Variants in DDX4 observed in about 807,000 individuals in gnomAD.
DDX4 encodes DEAD-box helicase 4.
Under a neutral mutation model 100.0 loss-of-function variants are expected in DDX4, and 25 were observed. The observed-to-expected ratio is 0.25, with a 90% CI of 0.18 to 0.35. The LOEUF is 0.35. Ranked by LOEUF, DDX4 falls within the 10% of genes least tolerant of loss-of-function variation. The probability of loss-of-function intolerance (pLI) is 1.00; values close to 1 mark genes in which losing one functional copy is unlikely to be tolerated. For synonymous variants in DDX4, 259 were observed against 275.7 expected (o/e 0.94, Z 0.60); for missense variants, 635 against 882.4 (o/e 0.72, Z 3.55).
At chr5:55,780,227 T>TA (rs1422194888) in intron 8 of DDX4, among the ~76,000 whole-genome samples, 162 bp downstream of exon 8, 3 of 152,250 alleles carry the variant, frequency 2.0e-5, no homozygotes, top group African/African-American at 7.2e-5. Flanking sequence ...CATTATTTTT[T>TA]AGAGAGATTT....
intron 7 of DDX4, among the ~76,000 whole-genome samples, chr5:55,778,167 A>C (rs1284870036): frequency 6.6e-6 from 1 of 152,138 alleles, no homozygotes; most frequent in Non-Finnish European, 1.5e-5. Flanking sequence ...AATAAGTCTA[A>C]CCTTCATGAT....
intron 17 of DDX4, 92 bp from the exon 18 acceptor site, chr5:55,798,334 A>G: frequency 7.7e-7 from 1 of 1,305,956 alleles, no homozygotes; most frequent in Non-Finnish European, 1.0e-6. Flanking sequence ...CTGTCTGATT[A>G]ATATTGAGAT....
At chr5:55,765,380 C>T (rs1463025190) in intron 6 of DDX4, among the ~76,000 whole-genome samples, 11 of 92,586 alleles carry the variant, frequency 1.2e-4, no homozygotes, top group African/African-American at 3.1e-4. Flanking sequence ...CTTCTTTTTT[C>T]GTTTTTAGTT....
At chr5:55,807,896 A>G (rs1486450084) in intron 18 of DDX4, among the ~76,000 whole-genome samples, 1 of 152,184 alleles carries the variant, frequency 6.6e-6, no homozygotes, top group South Asian at 2.1e-4. Context: ...TCTCATGGAT[A>G]ATATCCTGCA....
chr5:55,765,491 C>T (rs892964058), intron 6 of DDX4, among the ~76,000 whole-genome samples: 12 of 146,078 alleles, frequency 8.2e-5, no homozygotes, highest in South Asian at 2.1e-4. Flanking sequence ...TCTGAGCTCA[C>T]GGTAGAAGCT....
intron 2 of DDX4, among the ~76,000 whole-genome samples, chr5:55,742,619 C>T (rs79831176): frequency 0.069 from 10,448 of 152,114 alleles, 555 homozygotes; most frequent in African/African-American, 0.15. Flanking sequence ...GTTAAACATT[C>T]GAAATTTCTG....
At chr5:55,741,577 C>T (rs1758982217) in intron 2 of DDX4, among the ~76,000 whole-genome samples, 1 of 152,134 alleles carries the variant, frequency 6.6e-6, no homozygotes, top group South Asian at 2.1e-4. Flanking sequence ...CACTTGAGGC[C>T]AGGAGTTCGA....
At position 55,785,789 on chromosome 5, in the gene DDX4, A is replaced by G. The variant is rs1561502241; in HGVS notation, c.782A>G (p.His261Arg). 5 of 1,611,018 alleles carry G rather than the reference A, an allele frequency of 3.1e-6. No homozygotes were observed. The highest frequency in any genetic ancestry group is 4.2e-6 in the Non-Finnish European group (5 of 1,177,182). Reference protein sequence around the residue: ...PPEDEDSIFAHYQTGINFDKY... With the variant: ...PPEDEDSIFARYQTGINFDKY... ...GAGGATGAGGACTCCATCTTTGCAC[A>G]TTATCAGACAGGCATAAACTTCGAC... Residue 261 changes from histidine to arginine, a missense_variant, in exon 13 of 22, where the codon CAT (histidine) becomes CGT (arginine). His to Arg is a conservative substitution (Grantham distance 29). Around this residue, in one of 4 missense-constraint regions of DDX4, gnomAD observed 446 missense variants for 540.8 expected, o/e 0.82. Transcript: ENST00000505374.
intron 4 of DDX4, among the ~76,000 whole-genome samples, chr5:55,760,657 A>G (rs566572303): frequency 6.6e-6 from 1 of 152,172 alleles, no homozygotes; most frequent in Non-Finnish European, 1.5e-5. Context: ...TATATTTTTC[A>G]AGAAAAGGCA....
chr5:55,767,043 A>T, intron 6 of DDX4: 1 of 1,472,868 alleles, frequency 6.8e-7, no homozygotes, highest in East Asian at 2.6e-5. Context: ...ACTTACTAAT[A>T]TCAAAAATGG....
At chr5:55,746,263 G>A in intron 3 of DDX4, 42 bp downstream of exon 3, 1 of 1,553,378 alleles carries the variant, frequency 6.4e-7, no homozygotes, top group Non-Finnish European at 8.8e-7. Context: ...TTTAGTTTAA[G>A]GGTTTCATCT....
At chr5:55,801,709 C>T (rs1014271602) in intron 18 of DDX4, among the ~76,000 whole-genome samples, 2 of 152,070 alleles carry the variant, frequency 1.3e-5, no homozygotes, top group African/African-American at 4.8e-5. Context: ...AATAAATGGG[C>T]CTCCTTAAGT....
chr5:55,775,787 C>T (rs1741525594), intron 7 of DDX4, among the ~76,000 whole-genome samples: 2 of 152,080 alleles, frequency 1.3e-5, no homozygotes, highest in South Asian at 4.2e-4. Context: ...TTATGAAATG[C>T]AGACTATACC....
At chr5:55,786,015 T>TA (rs1245607964) in intron 13 of DDX4, 144 bp downstream of exon 13, 8 of 555,094 alleles carry the variant, frequency 1.4e-5, no homozygotes, top group Admixed American at 6.7e-5. Context: ...AATGATGTCT[T>TA]ACCATCTATA....
chr5:55,752,329 C>T (rs1759614738), intron 3 of DDX4, among the ~76,000 whole-genome samples: 1 of 115,840 alleles, frequency 8.6e-6, no homozygotes, highest in Non-Finnish European at 1.7e-5. Flanking sequence ...GCTATCCCTC[C>T]CCCCTCCCCC....
rs775222979 is a variant in DDX4 at position 55,815,331 on chromosome 5, G to A, written c.2005G>A (p.Ala669Thr). The change falls in exon 21 of 22, where the codon GCA becomes ACA. Residue 669 changes from alanine (A) to threonine (T), a missense_variant. Physicochemically the swap from Ala to Thr is moderately conservative, Grantham distance 58. Coordinates refer to ENST00000505374, the MANE Select transcript of DDX4 (RefSeq NM_024415.3). ...VLTDAQQDVP[A>T]WLEEIAFSTY... ...TTTAAAGGCTCAACAGGATGTTCCT[G>A]CATGGTTGGAAGAAATTGCCTTTAG... The A allele has an allele frequency of 6.2e-7, 1 of 1,612,376 alleles. No homozygotes were observed. The highest frequency in any genetic ancestry group is 1.3e-5 in the African/African-American group (1 of 74,952).
chr5:55,759,525 A>G (rs1265834680), intron 3 of DDX4, among the ~76,000 whole-genome samples: 2 of 152,182 alleles, frequency 1.3e-5, no homozygotes, highest in Non-Finnish European at 2.9e-5. Flanking sequence ...TGGCCCTTCT[A>G]CATGGCCAGT....
intron 17 of DDX4, among the ~76,000 whole-genome samples, chr5:55,795,127 G>A (rs950060786): frequency 1.3e-5 from 2 of 151,876 alleles, no homozygotes; most frequent in Admixed American, 6.6e-5. Flanking sequence ...CACCACGTCC[G>A]GCTAATTTTG....
intron 3 of DDX4, among the ~76,000 whole-genome samples, chr5:55,752,506 G>C (rs1189812215): frequency 3.1e-4 from 45 of 147,170 alleles, no homozygotes; most frequent in Non-Finnish European, 5.5e-4. Context: ...CTACAAAGGA[G>C]ATGAACTCAT....
Sources: allele counts gnomAD v4.1 joint callset (sites outside exome capture counted in the v4.1 genomes callset), GRCh38; gene constraint gnomAD v4.1.1; regional missense constraint gnomAD v4.1.1; transcripts MANE v1.5; gene names NCBI Gene and HGNC (gene_info 2026-07-23, HGNC 2026-07-21).